PRAC2: variants seen among roughly 807,000 people sequenced by gnomAD.
PRAC2 encodes the protein protein PRAC2.
For missense variants in PRAC2, 92 were observed against 114.5 expected (o/e 0.80, Z 0.90); for synonymous variants, 43 against 49.5 (o/e 0.87, Z 0.55).
At chr17:48,722,746 G>T (rs747557142), upstream of PRAC2, among the ~76,000 whole-genome samples, 10 of 152,058 alleles carry the variant, frequency 6.6e-5, no homozygotes, top group Non-Finnish European at 1.2e-4. Context: ...CTTTCCCAAG[G>T]CCAGAGAAGT....
upstream of PRAC2, among the ~76,000 whole-genome samples, chr17:48,721,561 G>A (rs1031164337): frequency 6.6e-6 from 1 of 152,138 alleles, no homozygotes; most frequent in Admixed American, 6.5e-5. Context: ...TTGGCCTCAA[G>A]TTATCTGCCC....
At chr17:48,722,529 A>G (rs574171864), upstream of PRAC2, 21 of 727,150 alleles carry the variant, frequency 2.9e-5, no homozygotes, top group African/African-American at 3.5e-4. Context: ...ACGGGAGCAC[A>G]GCACTGGGTG....
upstream of PRAC2, among the ~76,000 whole-genome samples, chr17:48,720,927 G>A (rs2038138985): frequency 6.6e-6 from 1 of 152,172 alleles, no homozygotes. Context: ...GTTGGTGGTA[G>A]AGGTTAAGCG....
In PRAC2 at chr17:48,723,461, G is replaced by A. The variant is rs143482686; in HGVS notation, c.-84+148G>A. Reference sequence around the variant, plus strand: ...CACCTTCAATATAACTTTAATGAAGGGGGGGAGGGGAGCTGCAGGGAAGAG... The same window carrying A: ...CACCTTCAATATAACTTTAATGAAGAGGGGGAGGGGAGCTGCAGGGAAGAG... On this transcript the variant is annotated intron_variant, in intron 1 of 1. Transcript: ENST00000422730. 1.2e-3 allele frequency: 447 copies of A among 381,602 alleles called. 1 individual carries two copies. The highest frequency in any genetic ancestry group is 7.9e-3 in the African/African-American group (380 of 48,308). The allele number at this position is 381,602 out of a possible 1,614,324, so 23.6% of individuals were successfully genotyped here.
chr17:48,722,889 C>T (rs775340242), upstream of PRAC2, among the ~76,000 whole-genome samples: 11 of 152,136 alleles, frequency 7.2e-5, no homozygotes, highest in Non-Finnish European at 1.5e-4. Context: ...AGGCTGGGCG[C>T]CAGCATTATT....
At chr17:48,721,971 G>A, upstream of PRAC2, 1 of 1,406,040 alleles carries the variant, frequency 7.1e-7, no homozygotes, top group Non-Finnish European at 9.5e-7. Context: ...GCTTATGCCA[G>A]GACTCCATCC....
In PRAC2 at chr17:48,724,448, G is replaced by T. The variant is rs866683266; in HGVS notation, c.38G>T (p.Arg13Leu). 10 of 1,234,150 alleles carry T rather than the reference G, an allele frequency of 8.1e-6. No homozygotes were observed. The highest frequency in any genetic ancestry group is 4.1e-5 in the South Asian group (1 of 24,410). The allele number at this position is 1,234,150 out of a possible 1,614,324, so 76.4% of individuals were successfully genotyped here. Residue 13 changes from arginine to leucine, a missense_variant, in exon 2 of 2, where the codon CGC (arginine) becomes CTC (leucine). Transcript: ENST00000422730. Reference sequence around the variant, plus strand: ...CGGATGGCTCTGCGGCCTGGCTCCCGCAGACCGACCGCCTTCTTCTTCCAT... The same window carrying T: ...CGGATGGCTCTGCGGCCTGGCTCCCTCAGACCGACCGCCTTCTTCTTCCAT... ...RRRMALRPGS[R>L]RPTAFFFHSR...
chr17:48,724,572 T>C lies in PRAC2; in HGVS notation c.162T>C (p.His54=), dbSNP rs1480108660. Residue 54 remains histidine (H), a synonymous_variant, in exon 2 of 2, where the codon CAT becomes CAC. Transcript: ENST00000422730. ...TGCCCTGGCCGAATGGCAGGCGACA[T>C]CGGGTCCTGGACCCCCACACGCAGC... is the stretch of plus-strand genomic sequence containing the variant. ...LPMPWPNGRR[H]RVLDPHTQLS... is the part of the protein sequence containing the mutation. 2 of 1,232,016 alleles carry C rather than the reference T, an allele frequency of 1.6e-6. No individual in the cohort carries two copies. Among genetic ancestry groups the C allele is most frequent in the Non-Finnish European group, 2.0e-6 (2 of 987,926 alleles). The allele number at this position is 1,232,016 out of a possible 1,614,324, so 76.3% of individuals were successfully genotyped here.
intron 1 of PRAC2, 96 bp from the exon 2 acceptor site, chr17:48,724,232 A>G (rs554631059): frequency 5.8e-5 from 31 of 534,790 alleles, no homozygotes; most frequent in Non-Finnish European, 8.0e-5. Context: ...AGAGATTTCA[A>G]TGTGGTCGTC....
chr17:48,721,982 CATTGGAGACAAACATTA>C, upstream of PRAC2: 1 of 1,346,796 alleles, frequency 7.4e-7, no homozygotes, highest in Middle Eastern at 2.7e-4. Context: ...GACTCCATCC[CATTGGAGACAAACATTA>C]AGTCTTATGG....
upstream of PRAC2, chr17:48,722,342 G>A (rs767737425): frequency 2.1e-5 from 34 of 1,614,012 alleles, no homozygotes; most frequent in Non-Finnish European, 2.8e-5. Flanking sequence ...AAGCACTCTT[G>A]GAGGTAGTAA....
chr17:48,722,408 A>T, upstream of PRAC2: 1 of 1,613,160 alleles, frequency 6.2e-7, no homozygotes, highest in South Asian at 1.1e-5. Context: ...TTCTCTCTGC[A>T]AAGGTGGGGA....
chr17:48,722,270 A>T, upstream of PRAC2: 4 of 1,499,588 alleles, frequency 2.7e-6, no homozygotes, highest in Non-Finnish European at 3.7e-6. Flanking sequence ...TGCAGCTACC[A>T]TACTGAGCGA....
At position 48,723,600 on chromosome 17, in the gene PRAC2, A is replaced by G. The variant is rs1273721415; in HGVS notation, c.-84+287A>G. 7.7e-6 allele frequency: 6 copies of G among 783,456 alleles called. No homozygotes were observed. The East Asian group carries it at 1.0e-4, about 13-fold the overall frequency. The allele number at this position is 783,456 out of a possible 1,614,324, so 48.5% of individuals were successfully genotyped here. A position where few individuals can be genotyped will look rare whatever the true frequency, so the allele number is the denominator to read the frequency against. ...TCCAGCTTCCGGCCCGGGAACTACT[A>G]TTTGGAGTAGGGATCGCCTGCAGGG... On this transcript the variant is annotated intron_variant, in intron 1 of 1. Transcript: ENST00000422730.
chr17:48,719,277 C>T (rs1401409661), upstream of PRAC2, among the ~76,000 whole-genome samples: 1 of 152,166 alleles, frequency 6.6e-6, no homozygotes, highest in Non-Finnish European at 1.5e-5. Flanking sequence ...CTGAGCAGGC[C>T]GCTCCTCGCA....
At chr17:48,724,295 A>C (rs2038179168) in intron 1 of PRAC2, 33 bp from the exon 2 acceptor site, 2 of 1,166,004 alleles carry the variant, frequency 1.7e-6, no homozygotes, top group Non-Finnish European at 2.2e-6. Context: ...GAAAGCGTTT[A>C]ATACAAAACG....
In PRAC2 at chr17:48,724,658, G is replaced by C. The variant is rs1439259434; in HGVS notation, c.248G>C (p.Cys83Ser). 1 of 1,232,084 alleles carries C rather than the reference G, an allele frequency of 8.1e-7. No individual in the cohort carries two copies. The highest frequency in any genetic ancestry group is 1.6e-5 in the African/African-American group (1 of 64,426). 76.3% of individuals were successfully genotyped at this position (1,232,084 alleles called of 1,614,324 possible). The change falls in exon 2 of 2, where the codon TGC becomes TCC. Residue 83 changes from cysteine (C) to serine (S), a missense_variant. Cys to Ser is a moderately radical substitution (Grantham distance 112). Coordinates refer to ENST00000422730, the MANE Select transcript of PRAC2 (RefSeq NM_001282275.2). ...GTAGCTCCGCGGACGATGAAAGCCTGCCCGCAGGTTCTCCTGGAGTGGTGA... is the reference window on the plus strand; with the variant it reads ...GTAGCTCCGCGGACGATGAAAGCCTCCCCGCAGGTTCTCCTGGAGTGGTGA... ...KPVAPRTMKA[C>S]PQVLLEW
chr17:48,719,972 AC>A (rs2038129590), upstream of PRAC2, among the ~76,000 whole-genome samples: 1 of 152,096 alleles, frequency 6.6e-6, no homozygotes, highest in Non-Finnish European at 1.5e-5. Context: ...AAGTTCAATG[AC>A]AAAAACCTGC....
At position 48,724,454 on chromosome 17, in the gene PRAC2, C is replaced by G. The variant is rs1206570493; in HGVS notation, c.44C>G (p.Pro15Arg). 12 of 1,234,116 alleles carry G rather than the reference C, an allele frequency of 9.7e-6. No individual in the cohort carries two copies. Among genetic ancestry groups the G allele is most frequent in the African/African-American group, 1.6e-5 (1 of 64,460 alleles). The allele number at this position is 1,234,116 out of a possible 1,614,324, so 76.4% of individuals were successfully genotyped here. Reference sequence around the variant, plus strand: ...GCTCTGCGGCCTGGCTCCCGCAGACCGACCGCCTTCTTCTTCCATTCGAGA... The same window carrying G: ...GCTCTGCGGCCTGGCTCCCGCAGACGGACCGCCTTCTTCTTCCATTCGAGA... ...RMALRPGSRR[P>R]TAFFFHSRWL... The change falls in exon 2 of 2, where the codon CCG becomes CGG. Residue 15 changes from proline to arginine, a missense_variant. Physicochemically the swap from Pro to Arg is moderately radical, Grantham distance 103 (BLOSUM62 -2). Transcript: ENST00000422730.
Sources: allele counts gnomAD v4.1 joint callset (sites outside exome capture counted in the v4.1 genomes callset), GRCh38; gene constraint gnomAD v4.1.1; transcripts MANE v1.5; gene names NCBI Gene and HGNC (gene_info 2026-07-23, HGNC 2026-07-21).